SMIM35: variants seen among roughly 807,000 people sequenced by gnomAD.
SMIM35 encodes TMPRSS4 antisense RNA 1 (non-protein coding).
chr11:118,081,103 G>T (rs1945093302), intron 1 of SMIM35, among the ~76,000 whole-genome samples: 1 of 152,194 alleles, frequency 6.6e-6, no homozygotes, highest in Non-Finnish European at 1.5e-5. Context: ...TAGTAAATGT[G>T]AATGAATGAA....
chr11:118,030,614 G>A (rs1206667051), intron 1 of SMIM35, among the ~76,000 whole-genome samples: 2 of 152,154 alleles, frequency 1.3e-5, no homozygotes, highest in Non-Finnish European at 2.9e-5. Context: ...CCATGGAGAA[G>A]GGCTGCTTAG....
intron 1 of SMIM35, among the ~76,000 whole-genome samples, chr11:118,022,189 T>A (rs2135036940): frequency 6.6e-6 from 1 of 152,274 alleles, no homozygotes; most frequent in South Asian, 2.1e-4. Context: ...TAGCTGGGAC[T>A]ACAGGTGCCT....
At chr11:118,066,642 T>A (rs1292324236) in intron 1 of SMIM35, among the ~76,000 whole-genome samples, 1 of 151,804 alleles carries the variant, frequency 6.6e-6, no homozygotes, top group African/African-American at 2.4e-5. Context: ...AAAGACAGAG[T>A]AGTACTAACA....
intron 1 of SMIM35, among the ~76,000 whole-genome samples, chr11:118,069,450 T>C (rs1331902749): frequency 6.6e-6 from 1 of 152,208 alleles, no homozygotes; most frequent in Non-Finnish European, 1.5e-5. Flanking sequence ...GCAGGAGTTA[T>C]GTTTTAAACC....
At position 118,028,107 on chromosome 11, in the gene SMIM35, T is replaced by C. The variant is rs188221924; in HGVS notation, c.8-12298A>G. Among the ~76,000 whole-genome samples, 40 of 152,356 alleles carry C rather than the reference T, an allele frequency of 2.6e-4. No individual in the cohort carries two copies. The East Asian group carries it at 6.9e-3, about 26-fold the overall frequency. ...ATGCCAATTGGGCCAAGTTTACTGATGGGCAGGATCAACATATATTCAGAG... is the reference window on the plus strand; with the variant it reads ...ATGCCAATTGGGCCAAGTTTACTGACGGGCAGGATCAACATATATTCAGAG... On this transcript the variant is annotated intron_variant, in intron 1 of 4. Transcript: ENST00000689828.
At chr11:118,086,543 C>T (rs689264) in intron 1 of SMIM35, among the ~76,000 whole-genome samples, 19,553 of 152,236 alleles carry the variant, frequency 0.13, 1,617 homozygotes, top group East Asian at 0.24. Context: ...AGATGCCCAG[C>T]GGCATATGGC....
At chr11:118,053,459 C>A (rs1591300736) in intron 1 of SMIM35, among the ~76,000 whole-genome samples, 1 of 152,162 alleles carries the variant, frequency 6.6e-6, no homozygotes, top group Non-Finnish European at 1.5e-5. Context: ...CTGAAAAGGT[C>A]GGACTTCAGT....
intron 1 of SMIM35, among the ~76,000 whole-genome samples, chr11:118,043,814 A>C (rs560548335): frequency 6.8e-6 from 1 of 146,576 alleles, no homozygotes; most frequent in South Asian, 2.2e-4. Context: ...AAAAAAAAAA[A>C]GGAAAAGAAA....
intron 1 of SMIM35, among the ~76,000 whole-genome samples, chr11:118,032,572 G>A (rs990729761): frequency 6.6e-6 from 1 of 152,022 alleles, no homozygotes; most frequent in African/African-American, 2.4e-5. Context: ...TTCCTGCATA[G>A]TTTATTTTTT....
chr11:118,066,942 C>T (rs1944483281), intron 1 of SMIM35, among the ~76,000 whole-genome samples: 1 of 151,804 alleles, frequency 6.6e-6, no homozygotes, highest in South Asian at 2.1e-4. Flanking sequence ...ATAATGGGAG[C>T]CCCTTCCGAA....
chr11:118,064,581 G>A (rs1944440527), intron 1 of SMIM35, among the ~76,000 whole-genome samples: 1 of 152,056 alleles, frequency 6.6e-6, no homozygotes, highest in South Asian at 2.1e-4. Context: ...ATCGTGCCTG[G>A]CTTTTGTTAT....
intron 1 of SMIM35, among the ~76,000 whole-genome samples, chr11:118,032,495 T>C (rs17598956): frequency 0.23 from 34,341 of 152,132 alleles, 4,656 homozygotes; most frequent in Non-Finnish European, 0.31. Flanking sequence ...AGAAGAAAAG[T>C]AATGTGATGA....
chr11:118,051,413 C>T (rs895438506), intron 1 of SMIM35, among the ~76,000 whole-genome samples: 6 of 152,224 alleles, frequency 3.9e-5, no homozygotes, highest in African/African-American at 1.2e-4. Flanking sequence ...CACAGTCTAA[C>T]ACAGCTGGAT....
intron 1 of SMIM35, among the ~76,000 whole-genome samples, chr11:118,029,170 G>A (rs573777908): frequency 2.1e-4 from 32 of 152,102 alleles, no homozygotes; most frequent in Admixed American, 2.0e-3. Flanking sequence ...ACAATAAAAT[G>A]TTACTCAAGA....
rs965571460 is a variant in SMIM35 at position 118,067,130 on chromosome 11, T to C, written c.7+19621A>G. The C allele has an allele frequency of 3.3e-5, 5 of 151,804 alleles. 1 individual carries two copies. Among genetic ancestry groups the C allele is most frequent in the African/African-American group, 7.3e-5 (3 of 41,314 alleles). 9.4% of individuals were successfully genotyped at this position (151,804 alleles called of 1,614,324 possible). On this transcript the variant is annotated intron_variant, in intron 1 of 4. Transcript: ENST00000689828. ...CAGACCATGTGTAAACATGTCACAA[T>C]ATGCTAACCCCCTCAGACCCTCGCA... is the stretch of plus-strand genomic sequence containing the variant.
chr11:118,084,928 C>T (rs1002889093), intron 1 of SMIM35, among the ~76,000 whole-genome samples: 10 of 152,194 alleles, frequency 6.6e-5, no homozygotes, highest in Non-Finnish European at 1.5e-4. Flanking sequence ...GATCAAGGGA[C>T]AACCCCCTTC....
intron 1 of SMIM35, chr11:118,077,242 G>C: frequency 4.4e-6 from 7 of 1,577,644 alleles, no homozygotes; most frequent in Non-Finnish European, 6.0e-6. Context: ...CCCTCCTGCT[G>C]CCTTGGGGTG....
At chr11:118,056,261 G>A (rs1280445470) in intron 1 of SMIM35, among the ~76,000 whole-genome samples, 2 of 152,170 alleles carry the variant, frequency 1.3e-5, no homozygotes, top group African/African-American at 4.8e-5. Context: ...AGCCAGAAGG[G>A]TCATCCTGGA....
intron 1 of SMIM35, among the ~76,000 whole-genome samples, chr11:118,066,777 A>T (rs1376006015): frequency 6.6e-6 from 1 of 151,694 alleles, no homozygotes; most frequent in Non-Finnish European, 1.5e-5. Context: ...GTGAGTCGTG[A>T]TCCTGCCACT....
Sources: allele counts gnomAD v4.1 joint callset (sites outside exome capture counted in the v4.1 genomes callset), GRCh38; gene constraint gnomAD v4.1.1; transcripts MANE v1.5; gene names NCBI Gene and HGNC (gene_info 2026-07-23, HGNC 2026-07-21).